PTPRM: variants seen among roughly 807,000 people sequenced by gnomAD.
PTPRM encodes protein tyrosine phosphatase receptor type M.
Under a neutral mutation model 186.7 loss-of-function variants are expected in PTPRM, and 47 were observed. The ratio of observed to expected loss-of-function variants is 0.25; its 90% confidence interval spans 0.20 to 0.32. PTPRM has a LOEUF of 0.32. PTPRM is among the 10% of genes least tolerant of loss of function. The pLI is 1.00. For synonymous variants in PTPRM, 668 were observed against 674.9 expected, an observed-to-expected ratio of 0.99 and a Z score of 0.16; for missense variants, 1,494 against 1,865.0, an observed-to-expected ratio of 0.80 and a Z score of 3.66.
chr18:8,304,122 G>A (rs950359003), intron 20 of PTPRM, among the ~76,000 whole-genome samples: 1 of 152,178 alleles, frequency 6.6e-6, no homozygotes, highest in South Asian at 2.1e-4. Context: ...GATTATCAGT[G>A]ATACACTCTA....
intron 1 of PTPRM, among the ~76,000 whole-genome samples, chr18:7,666,805 T>C (rs1294089432): frequency 1.3e-5 from 2 of 152,212 alleles, no homozygotes; most frequent in Admixed American, 6.5e-5. Context: ...AACCTTATTT[T>C]ACTTGGAGGT....
chr18:8,132,681 A>G (rs8095157), intron 13 of PTPRM, among the ~76,000 whole-genome samples: 20 of 152,158 alleles, frequency 1.3e-4, no homozygotes, highest in Non-Finnish European at 1.6e-4. Context: ...AATCATTGCA[A>G]GTATTGAGTT....
chr18:8,180,136 GAA>G (rs200976549), intron 14 of PTPRM, among the ~76,000 whole-genome samples: 1 of 151,832 alleles, frequency 6.6e-6, no homozygotes, highest in South Asian at 2.1e-4. Context: ...AAAGGGAGGG[GAA>G]AAAAAACATG....
rs1599302877 is a variant in PTPRM at position 7,888,447 on chromosome 18, A to G, written c.468+70A>G. 12 of 1,442,450 alleles carry G rather than the reference A, an allele frequency of 8.3e-6. No homozygotes were observed. The East Asian group carries it at 3.0e-4, about 36-fold the overall frequency. The allele number at this position is 1,442,450 out of a possible 1,614,324, so 89.4% of individuals were successfully genotyped here. A position where few individuals can be genotyped will look rare whatever the true frequency, so the allele number is the denominator to read the frequency against. ...TTCTAAAAATATAAATTATTGTTAT[A>G]TCATTATAATCAGAAAAGGTTGTTG... On this transcript the variant is annotated intron_variant, in intron 3 of 32. Transcript: ENST00000580170.
At chr18:8,397,772 T>A (rs909144170) in intron 32 of PTPRM, among the ~76,000 whole-genome samples, 2 of 152,200 alleles carry the variant, frequency 1.3e-5, no homozygotes, top group African/African-American at 4.8e-5. Context: ...GCAGCTCCCC[T>A]CTCACTTTTG....
At chr18:7,893,537 A>G (rs1261288524) in intron 3 of PTPRM, among the ~76,000 whole-genome samples, 1 of 152,218 alleles carries the variant, frequency 6.6e-6, no homozygotes, top group Non-Finnish European at 1.5e-5. Flanking sequence ...AAATATTGTT[A>G]ACACTGGCCG....
intron 1 of PTPRM, among the ~76,000 whole-genome samples, chr18:7,701,043 C>T (rs1294729916): frequency 6.7e-6 from 1 of 148,632 alleles, no homozygotes; most frequent in East Asian, 2.0e-4. Context: ...CGGTGGCTCA[C>T]ATCTGTAATC....
chr18:7,696,501 T>C (rs1471493680), intron 1 of PTPRM, among the ~76,000 whole-genome samples: 1 of 152,226 alleles, frequency 6.6e-6, no homozygotes, highest in African/African-American at 2.4e-5. Context: ...CATAGAAATG[T>C]GGAAATACTT....
intron 14 of PTPRM, among the ~76,000 whole-genome samples, chr18:8,211,433 C>A (rs111264002): frequency 2.3e-5 from 3 of 129,070 alleles, no homozygotes; most frequent in Non-Finnish European, 4.8e-5. Context: ...CTCGCCCTGT[C>A]GCCCAGGCTG....
At chr18:7,803,087 G>A (rs1448836454) in intron 2 of PTPRM, among the ~76,000 whole-genome samples, 1 of 152,094 alleles carries the variant, frequency 6.6e-6, no homozygotes, top group Non-Finnish European at 1.5e-5. Context: ...GTGGGAGGAT[G>A]GGGAAAGGAA....
chr18:8,292,772 T>C (rs1453044914), intron 19 of PTPRM, among the ~76,000 whole-genome samples: 3 of 152,212 alleles, frequency 2.0e-5, no homozygotes, highest in Admixed American at 6.5e-5. Flanking sequence ...ATAGAAGTAA[T>C]CAATAGTTAA....
At chr18:8,405,724 G>C (rs141749834) in intron 32 of PTPRM, among the ~76,000 whole-genome samples, 83 of 152,304 alleles carry the variant, frequency 5.4e-4, no homozygotes, top group Admixed American at 1.8e-3. Flanking sequence ...TAGGTACCAA[G>C]GGCCTTGTGA....
intron 14 of PTPRM, among the ~76,000 whole-genome samples, chr18:8,169,286 A>G (rs1162752794): frequency 1.3e-5 from 2 of 151,944 alleles, no homozygotes; most frequent in East Asian, 3.9e-4. Context: ...TCACAGACAC[A>G]TGTTAACAAA....
intron 13 of PTPRM, among the ~76,000 whole-genome samples, chr18:8,140,985 A>G (rs1223529084): frequency 6.6e-6 from 1 of 152,180 alleles, no homozygotes; most frequent in Non-Finnish European, 1.5e-5. Flanking sequence ...AGTTGCAACC[A>G]TGTTCTGTCA....
intron 22 of PTPRM, 70 bp from the exon 23 acceptor site, chr18:8,343,353 G>C: frequency 7.3e-7 from 1 of 1,377,952 alleles, no homozygotes; most frequent in Non-Finnish European, 1.0e-6. Context: ...AGATGTATTT[G>C]TAAGCCCCGG....
At chr18:8,123,164 C>G (rs751812623) in intron 13 of PTPRM, among the ~76,000 whole-genome samples, 1 of 152,174 alleles carries the variant, frequency 6.6e-6, no homozygotes, top group Non-Finnish European at 1.5e-5. Context: ...TCAGCAAAGG[C>G]AAGTCATTGT....
chr18:8,100,434 C>T (rs1212023346), intron 11 of PTPRM, among the ~76,000 whole-genome samples: 2 of 152,178 alleles, frequency 1.3e-5, no homozygotes, highest in Admixed American at 1.3e-4. Flanking sequence ...AGCCGCCACT[C>T]CCAGCCAGAT....
intron 20 of PTPRM, among the ~76,000 whole-genome samples, chr18:8,309,840 T>C (rs1441137275): frequency 6.6e-6 from 1 of 152,306 alleles, no homozygotes; most frequent in East Asian, 1.9e-4. Flanking sequence ...AGCTAAGGTA[T>C]TTTTGATCTG....
intron 7 of PTPRM, among the ~76,000 whole-genome samples, chr18:8,037,086 T>C (rs1173893829): frequency 2.6e-5 from 4 of 152,154 alleles, no homozygotes; most frequent in African/African-American, 9.7e-5. Context: ...AATGATCTGG[T>C]GTTGTTTATA....
Sources: allele counts gnomAD v4.1 joint callset (sites outside exome capture counted in the v4.1 genomes callset), GRCh38; gene constraint gnomAD v4.1.1; transcripts MANE v1.5; gene names NCBI Gene and HGNC (gene_info 2026-07-23, HGNC 2026-07-21).